The following KCNC2 variants were observed in gnomAD, a reference collection of about 807,000 sequenced individuals.
KCNC2 encodes the protein potassium voltage-gated channel subfamily C member 2, also known as voltage-gated potassium channel KCNC2.
A neutral mutation model predicts 44.5 loss-of-function variants in KCNC2; 21 were observed. The ratio of observed to expected loss-of-function variants is 0.47; its 90% CI spans 0.33 to 0.68. KCNC2 has a LOEUF of 0.68. KCNC2 is among the 30% of genes least tolerant of loss of function. The pLI, the probability that KCNC2 is intolerant of heterozygous loss-of-function variation, is 0.01. For missense variants in KCNC2, 589 were observed against 826.2 expected (o/e 0.71, Z 3.52); for synonymous variants, 391 against 339.1 (o/e 1.15, Z -1.68).
chr12:75,145,440 C>G (rs549999258), intron 2 of KCNC2, among the ~76,000 whole-genome samples: 2 of 151,496 alleles, frequency 1.3e-5, no homozygotes, highest in South Asian at 4.2e-4. Flanking sequence ...CTACATTAAG[C>G]TCATATCCTA....
intron 2 of KCNC2, among the ~76,000 whole-genome samples, chr12:75,064,167 C>T (rs944632122): frequency 1.3e-5 from 2 of 152,034 alleles, no homozygotes; most frequent in Non-Finnish European, 2.9e-5. Context: ...ACACACATGT[C>T]ATGTAATCTC....
chr12:75,085,425 C>G (rs942436898), intron 2 of KCNC2, among the ~76,000 whole-genome samples: 7 of 152,024 alleles, frequency 4.6e-5, no homozygotes, highest in African/African-American at 1.7e-4. Flanking sequence ...TGAGCATATA[C>G]TGTGGACCAG....
chr12:75,126,952 A>G (rs373533317), intron 2 of KCNC2, among the ~76,000 whole-genome samples: 451 of 152,266 alleles, frequency 3.0e-3, no homozygotes, highest in Middle Eastern at 6.8e-3. Flanking sequence ...AAACTTACGT[A>G]TAATAATCGA....
chr12:75,042,515 C>T lies in KCNC2; in HGVS notation c.*590G>A, dbSNP rs1282347209. The T allele has an allele frequency of 7.0e-7, 1 of 1,426,140 alleles. No individual in the cohort carries two copies. The allele number at this position is 1,426,140 out of a possible 1,614,324, so 88.3% of individuals were successfully genotyped here. The stretch of plus-strand genomic sequence containing the variant: ...AAAATGTCAAGGAGAAAAGTGCCCT[C>T]CCTGCCCCACAATTCAACATGCAGA... On this transcript the variant is annotated 3_prime_UTR_variant, in exon 5 of 5. Transcript: ENST00000549446.
At chr12:75,049,686 A>T (rs2136939629) in intron 3 of KCNC2, among the ~76,000 whole-genome samples, 1 of 152,264 alleles carries the variant, frequency 6.6e-6, no homozygotes, top group South Asian at 2.1e-4. Context: ...GAGAAATTCA[A>T]CTTTGCCATT....
chr12:75,124,332 C>G (rs143033540), intron 2 of KCNC2, among the ~76,000 whole-genome samples: 1 of 152,162 alleles, frequency 6.6e-6, no homozygotes, highest in East Asian at 1.9e-4. Flanking sequence ...CAGCAGCTAA[C>G]CAGCTGTTTA....
chr12:75,183,438 C>CA, intron 2 of KCNC2, among the ~76,000 whole-genome samples: 1 of 152,078 alleles, frequency 6.6e-6, no homozygotes, highest in Non-Finnish European at 1.5e-5. Context: ...ACAAGCACAA[C>CA]AACAACAAAA....
intron 2 of KCNC2, among the ~76,000 whole-genome samples, chr12:75,071,765 C>T (rs1378519867): frequency 5.3e-5 from 8 of 151,654 alleles, no homozygotes; most frequent in South Asian, 2.1e-4. Flanking sequence ...GCCTGACCAA[C>T]GTCTCTAGTA....
chr12:75,178,736 C>A (rs185671878), intron 2 of KCNC2, among the ~76,000 whole-genome samples: 126 of 152,128 alleles, frequency 8.3e-4, no homozygotes, highest in African/African-American at 2.8e-3. Flanking sequence ...TGAAAACATT[C>A]AAAACATAGA....
chr12:75,148,436 G>T lies in KCNC2; in HGVS notation c.687+58861C>A, dbSNP rs377649123. ...CATCCTTAGGTCAGGAGGTCTGCCTGCCCCTAGCTGTATAAATGATAAACT... is the reference window on the plus strand; with the variant it reads ...CATCCTTAGGTCAGGAGGTCTGCCTTCCCCTAGCTGTATAAATGATAAACT... On this transcript the variant is annotated intron_variant, in intron 2 of 4. Coordinates refer to ENST00000549446, the MANE Select transcript of KCNC2 (RefSeq NM_139137.4). Among the ~76,000 whole-genome samples the T allele has an allele frequency of 5.3e-5, 8 of 152,046 alleles. No homozygotes were observed. The East Asian group carries it at 1.5e-3, about 29-fold the overall frequency.
intron 2 of KCNC2, among the ~76,000 whole-genome samples, chr12:75,114,911 T>A (rs1185395671): frequency 1.5e-5 from 2 of 136,148 alleles, no homozygotes; most frequent in Non-Finnish European, 3.0e-5. Flanking sequence ...TCACCCAGGC[T>A]GGAGTGCAGT....
chr12:75,080,005 G>A (rs1039102617), intron 2 of KCNC2, among the ~76,000 whole-genome samples: 1 of 152,142 alleles, frequency 6.6e-6, no homozygotes, highest in Admixed American at 6.6e-5. Context: ...GACTGAGGGG[G>A]AAGAAGACTT....
intron 2 of KCNC2, among the ~76,000 whole-genome samples, chr12:75,160,513 C>T (rs1472800324): frequency 6.6e-6 from 1 of 151,782 alleles, no homozygotes; most frequent in Admixed American, 6.6e-5. Context: ...CACAGGTTTA[C>T]TAGTTCTATA....
intron 2 of KCNC2, among the ~76,000 whole-genome samples, chr12:75,153,931 A>G (rs1890583383): frequency 6.6e-6 from 1 of 151,920 alleles, no homozygotes; most frequent in African/African-American, 2.4e-5. Context: ...CAGAGGCAGA[A>G]AAGGTGGAGG....
chr12:75,084,540 T>G (rs921525759), intron 2 of KCNC2, among the ~76,000 whole-genome samples: 2 of 151,928 alleles, frequency 1.3e-5, no homozygotes, highest in Admixed American at 1.3e-4. Flanking sequence ...CTTTTGTTTC[T>G]TCCTCATTTT....
intron 2 of KCNC2, among the ~76,000 whole-genome samples, chr12:75,202,271 A>T (rs1248117205): frequency 1.3e-5 from 2 of 151,880 alleles, no homozygotes; most frequent in Non-Finnish European, 3.0e-5. Flanking sequence ...TCCAACCATA[A>T]ATCAGGCCAC....
chr12:75,066,226 G>T (rs905236790), intron 2 of KCNC2, among the ~76,000 whole-genome samples: 1 of 151,794 alleles, frequency 6.6e-6, no homozygotes, highest in Non-Finnish European at 1.5e-5. Flanking sequence ...GCTTTGTTAT[G>T]TTCTGCTCAA....
rs754111512 is a variant in KCNC2, at chr12:75,041,161, GT to G, written c.*1943del. ...GTCCTTGGTATGGCTAAATTCCACT[GT>G]CCCTTTCTCAGCAGTCAATAATCCA... On this transcript the variant is annotated 3_prime_UTR_variant, in exon 5 of 5. Coordinates refer to ENST00000549446, the MANE Select transcript of KCNC2 (RefSeq NM_139137.4). The G allele has an allele frequency of 3.1e-6, 5 of 1,596,404 alleles. No individual in the cohort carries two copies. In the African/African-American group the frequency reaches 6.7e-5, roughly 21 times the overall value.
rs528610589 is a variant in KCNC2 at position 75,118,859 on chromosome 12, G to T, written c.688-67542C>A. Reference sequence around the variant, plus strand: ...ACTGTAAGAGACAGAACATCTAACCGGACAGAATATAATAGAGATTAAATC... The same window carrying T: ...ACTGTAAGAGACAGAACATCTAACCTGACAGAATATAATAGAGATTAAATC... On this transcript the variant is annotated intron_variant, in intron 2 of 4. Transcript: ENST00000549446. Among the ~76,000 whole-genome samples, 30 of 152,104 alleles carry T rather than the reference G, an allele frequency of 2.0e-4. 1 individual carries two copies. The South Asian group carries it at 6.0e-3, about 31-fold the overall frequency.
Sources: gnomAD v4.1 joint callset for allele counts (sites outside exome capture counted in the v4.1 genomes callset) on GRCh38, gnomAD v4.1.1 for gene constraint, MANE v1.5 for transcripts, NCBI Gene and HGNC (gene_info 2026-07-23, HGNC 2026-07-21) for gene names.